The following TTBK2 variants were observed in gnomAD, a reference collection of about 807,000 sequenced individuals.
TTBK2 encodes tau tubulin kinase 2.
TTBK2 carries 28 observed loss-of-function variants against 110.8 expected under a neutral mutation model. The observed-to-expected ratio is 0.25, with a 90% CI of 0.19 to 0.35. The LOEUF (loss-of-function observed/expected upper bound fraction) is 0.35, where lower values mean the gene tolerates loss of function less well. Among genes scored for constraint, TTBK2 ranks in the 10% least tolerant of loss-of-function variants. The pLI is 1.00. For synonymous variants in TTBK2, 532 were observed against 527.3 expected (o/e 1.01, Z -0.12); for missense variants, 1,369 against 1,500.3 (o/e 0.91, Z 1.45).
intron 4 of TTBK2, among the ~76,000 whole-genome samples, chr15:42,837,250 C>G (rs772802459): frequency 1.3e-5 from 2 of 151,382 alleles, no homozygotes; most frequent in Non-Finnish European, 2.9e-5. Context: ...CCCAGCTACA[C>G]CGGAGGCTGA....
chr15:42,813,022 G>GT (rs1427997428), intron 7 of TTBK2, among the ~76,000 whole-genome samples: 1 of 151,884 alleles, frequency 6.6e-6, no homozygotes, highest in Non-Finnish European at 1.5e-5. Context: ...AAAGTCTAAT[G>GT]TATCAATTTG....
intron 3 of TTBK2, among the ~76,000 whole-genome samples, chr15:42,866,992 C>T (rs2141100038): frequency 6.6e-6 from 1 of 152,226 alleles, no homozygotes; most frequent in South Asian, 2.1e-4. Flanking sequence ...CGCCTGTAAT[C>T]CCAGCACTTT....
chr15:42,849,453 T>A (rs1010408489), intron 3 of TTBK2, among the ~76,000 whole-genome samples: 10 of 152,234 alleles, frequency 6.6e-5, no homozygotes, highest in African/African-American at 2.4e-4. Context: ...AGCATTGGCA[T>A]CTATGTTCTA....
chr15:42,892,667 T>C (rs1310521558), intron 1 of TTBK2, among the ~76,000 whole-genome samples: 1 of 126,596 alleles, frequency 7.9e-6, no homozygotes, highest in African/African-American at 3.1e-5. Flanking sequence ...ATTGTAAGAC[T>C]GCACTCTAGC....
intron 1 of TTBK2, among the ~76,000 whole-genome samples, chr15:42,918,442 CAG>C (rs1374425555): frequency 1.3e-5 from 2 of 152,040 alleles, no homozygotes; most frequent in African/African-American, 2.4e-5. Context: ...GGTTCTGGCT[CAG>C]AGTCTCTCAT....
intron 7 of TTBK2, among the ~76,000 whole-genome samples, chr15:42,814,580 A>G (rs1030718570): frequency 8.5e-5 from 13 of 152,186 alleles, no homozygotes; most frequent in African/African-American, 3.1e-4. Flanking sequence ...CTGTCTCTAA[A>G]AAGTAAAGTT....
chr15:42,873,218 A>G (rs1894680920), intron 2 of TTBK2, among the ~76,000 whole-genome samples: 1 of 152,082 alleles, frequency 6.6e-6, no homozygotes, highest in South Asian at 2.1e-4. Context: ...GCTCACTTGA[A>G]GTCAGGAGTT....
intron 1 of TTBK2, among the ~76,000 whole-genome samples, chr15:42,902,605 G>A (rs1020219601): frequency 7.2e-5 from 11 of 152,068 alleles, no homozygotes; most frequent in Admixed American, 2.6e-4. Flanking sequence ...GGCAGGTGCC[G>A]GTGAGGATGT....
intron 3 of TTBK2, among the ~76,000 whole-genome samples, chr15:42,841,889 T>A (rs190032190): frequency 3.2e-4 from 49 of 152,244 alleles, no homozygotes; most frequent in African/African-American, 1.2e-3. Flanking sequence ...GACAATCAAG[T>A]GAATTCAGTA....
chr15:42,752,397 T>C lies in TTBK2; in HGVS notation c.2849A>G (p.Gln950Arg). 6.2e-7 allele frequency: 1 copy of C among 1,614,242 alleles called. No homozygotes were observed. Among genetic ancestry groups the C allele is most frequent in the African/African-American group, 1.3e-5 (1 of 75,064 alleles). The change falls in exon 14 of 15, where the codon CAA becomes CGA. Residue 950 changes from glutamine (Q) to arginine (R), a missense_variant. Physicochemically the swap from Gln to Arg is conservative, Grantham distance 43. Coordinates refer to ENST00000267890, the MANE Select transcript of TTBK2 (RefSeq NM_173500.4). ...TRHSRIPVLA[Q>R]EIDSTLESSS... ...TGATTCCAAAGTTGAGTCTATCTCTTGTGCTAAAACAGGGATTCGGCTGTG... is the reference window on the plus strand; with the variant it reads ...TGATTCCAAAGTTGAGTCTATCTCTCGTGCTAAAACAGGGATTCGGCTGTG...
chr15:42,809,391 T>C (rs1891607272), intron 9 of TTBK2, among the ~76,000 whole-genome samples: 1 of 152,248 alleles, frequency 6.6e-6, no homozygotes, highest in African/African-American at 2.4e-5. Context: ...GTAAATATGA[T>C]AGTCTTCTTT....
At chr15:42,761,125 C>G (rs2062019871) in intron 13 of TTBK2, among the ~76,000 whole-genome samples, 1 of 152,134 alleles carries the variant, frequency 6.6e-6, no homozygotes, top group Non-Finnish European at 1.5e-5. Context: ...AACTGGATAT[C>G]CACATGCAGA....
rs71108183 is a variant in TTBK2 at position 42,815,958 on chromosome 15, A to AAAATATATATATATATATATAT, written c.603+1073_603+1074insATATATATATATATATATATTT. Among the ~76,000 whole-genome samples the AAAATATATATATATATATATAT allele has an allele frequency of 3.7e-4, 34 of 91,692 alleles. 2 individuals are homozygous for AAAATATATATATATATATATAT. The highest frequency in any genetic ancestry group is 1.8e-3 in the African/African-American group (29 of 16,142). 60.2% of individuals were successfully genotyped at this position (91,692 alleles called of 152,430 possible). A position where few individuals can be genotyped will look rare whatever the true frequency, so the allele number is the denominator to read the frequency against. ...TATATATATATATATTTAAAAAAAAAATATATATATATATATATATTTGAG... is the reference window on the plus strand; with the variant it reads ...TATATATATATATATTTAAAAAAAAAAAATATATATATATATATATATATATATATATATATATATATTTGAG... On this transcript the variant is annotated intron_variant, in intron 7 of 14. Transcript: ENST00000267890.
chr15:42,799,193 C>A (rs541364198), intron 9 of TTBK2, among the ~76,000 whole-genome samples: 13 of 152,094 alleles, frequency 8.5e-5, no homozygotes, highest in Admixed American at 8.5e-4. Flanking sequence ...CGTGGTGAAA[C>A]CCCGTCTCTA....
At chr15:42,887,337 C>G (rs1250420729) in intron 1 of TTBK2, among the ~76,000 whole-genome samples, 1 of 152,270 alleles carries the variant, frequency 6.6e-6, no homozygotes, top group East Asian at 1.9e-4. Context: ...CCTTCACATC[C>G]TCTCCTTGTA....
chr15:42,893,838 T>A (rs944305979), intron 1 of TTBK2, among the ~76,000 whole-genome samples: 14 of 152,260 alleles, frequency 9.2e-5, no homozygotes, highest in Non-Finnish European at 1.6e-4. Context: ...GGAAACATAA[T>A]GAACAACATT....
At chr15:42,777,768 G>A (rs1207386532) in intron 11 of TTBK2, among the ~76,000 whole-genome samples, 1 of 152,194 alleles carries the variant, frequency 6.6e-6, no homozygotes, top group Non-Finnish European at 1.5e-5. Context: ...CAGGGGGTGG[G>A]ACTATTTAAG....
intron 3 of TTBK2, among the ~76,000 whole-genome samples, chr15:42,846,869 A>T (rs1326966060): frequency 6.6e-6 from 1 of 152,046 alleles, no homozygotes; most frequent in Non-Finnish European, 1.5e-5. Context: ...GAACAATGAG[A>T]TGTGTGAGCT....
intron 13 of TTBK2, among the ~76,000 whole-genome samples, chr15:42,753,510 T>C (rs2061898643): frequency 6.6e-6 from 1 of 152,188 alleles, no homozygotes; most frequent in African/African-American, 2.4e-5. Context: ...CCTGGAAGAC[T>C]AATTTCTATA....
Sources: gnomAD v4.1 joint callset for allele counts (sites outside exome capture counted in the v4.1 genomes callset) on GRCh38, gnomAD v4.1.1 for gene constraint, MANE v1.5 for transcripts, NCBI Gene and HGNC (gene_info 2026-07-23, HGNC 2026-07-21) for gene names.